IGF2BP2: variants seen among roughly 807,000 people sequenced by gnomAD.
IGF2BP2 encodes the protein insulin like growth factor 2 mRNA binding protein 2, also known as insulin-like growth factor 2 mRNA-binding protein 2.
A neutral mutation model predicts 75.8 loss-of-function variants in IGF2BP2; 17 were observed. The observed-to-expected ratio is 0.22, with a 90% confidence interval of 0.15 to 0.34. The LOEUF is 0.34. IGF2BP2 is among the 10% of genes least tolerant of loss of function. The pLI is 1.00. For synonymous variants in IGF2BP2, 288 were observed against 295.6 expected (o/e 0.97, Z 0.26); for missense variants, 516 against 772.4 (o/e 0.67, Z 3.93).
intron 4 of IGF2BP2, 81 bp from the exon 5 acceptor site, chr3:185,692,843 AG>A: frequency 8.3e-7 from 1 of 1,212,006 alleles, no homozygotes; most frequent in South Asian, 1.3e-5. Flanking sequence ...CAAACTTTAG[AG>A]AAAAATGCAT....
intron 7 of IGF2BP2, among the ~76,000 whole-genome samples, chr3:185,676,732 G>A (rs113005945): frequency 7.7e-6 from 1 of 129,332 alleles, no homozygotes; most frequent in African/African-American, 2.9e-5. Context: ...ATATGGAGAT[G>A]TATATATATA....
intron 2 of IGF2BP2, among the ~76,000 whole-genome samples, chr3:185,782,070 T>C (rs1178262654): frequency 6.6e-6 from 1 of 152,192 alleles, no homozygotes; most frequent in Non-Finnish European, 1.5e-5. Context: ...AAAACATATG[T>C]ACTGGTTCTG....
chr3:185,697,996 C>T (rs1722803539), intron 3 of IGF2BP2, among the ~76,000 whole-genome samples: 1 of 152,054 alleles, frequency 6.6e-6, no homozygotes, highest in South Asian at 2.1e-4. Context: ...ACATACAAAC[C>T]AACAAACCAT....
At chr3:185,673,967 CT>C (rs774747201) in intron 9 of IGF2BP2, among the ~76,000 whole-genome samples, 1 of 152,210 alleles carries the variant, frequency 6.6e-6, no homozygotes, top group Non-Finnish European at 1.5e-5. Context: ...TCAGATGATA[CT>C]TCCACAAATA....
chr3:185,689,916 C>T (rs1482501506), intron 5 of IGF2BP2, among the ~76,000 whole-genome samples: 42 of 149,678 alleles, frequency 2.8e-4, no homozygotes, highest in Non-Finnish European at 5.2e-4. Context: ...TGCAGTGAGC[C>T]GAGATCCTGC....
At chr3:185,802,998 A>G (rs1738488244) in intron 2 of IGF2BP2, among the ~76,000 whole-genome samples, 1 of 152,220 alleles carries the variant, frequency 6.6e-6, no homozygotes, top group Admixed American at 6.5e-5. Context: ...TTAAACTAAA[A>G]TGTATCTCAA....
intron 13 of IGF2BP2, among the ~76,000 whole-genome samples, chr3:185,650,466 C>CAGG: frequency 6.6e-6 from 1 of 152,150 alleles, no homozygotes; most frequent in Admixed American, 6.5e-5. Flanking sequence ...TGTTTGAGGC[C>CAGG]AGGAGTTCAA....
intron 2 of IGF2BP2, among the ~76,000 whole-genome samples, chr3:185,702,392 G>A (rs1184238186): frequency 2.0e-5 from 3 of 152,068 alleles, no homozygotes; most frequent in Non-Finnish European, 4.4e-5. Flanking sequence ...AGTCTCAAAT[G>A]AGAGTATCGA....
At chr3:185,732,105 C>T (rs886917955) in intron 2 of IGF2BP2, among the ~76,000 whole-genome samples, 1 of 152,174 alleles carries the variant, frequency 6.6e-6, no homozygotes, top group African/African-American at 2.4e-5. Context: ...TCCTTCAAAA[C>T]ATATAGTGCC....
intron 4 of IGF2BP2, among the ~76,000 whole-genome samples, chr3:185,693,944 T>C (rs1480928188): frequency 6.6e-6 from 1 of 152,196 alleles, no homozygotes; most frequent in African/African-American, 2.4e-5. Flanking sequence ...TGTAGAAATG[T>C]GAATTTTTCT....
intron 2 of IGF2BP2, among the ~76,000 whole-genome samples, chr3:185,727,705 G>A (rs1191081878): frequency 1.3e-5 from 2 of 152,160 alleles, no homozygotes; most frequent in Non-Finnish European, 2.9e-5. Flanking sequence ...TTATAAATTA[G>A]ATGGAGTGGA....
intron 2 of IGF2BP2, among the ~76,000 whole-genome samples, chr3:185,817,758 C>A (rs1325920414): frequency 1.3e-5 from 2 of 152,128 alleles, no homozygotes; most frequent in Non-Finnish European, 2.9e-5. Context: ...ATTATTTGTT[C>A]AATGATACTG....
At chr3:185,683,512 G>T (rs890323220) in intron 7 of IGF2BP2, among the ~76,000 whole-genome samples, 1 of 151,996 alleles carries the variant, frequency 6.6e-6, no homozygotes, top group Non-Finnish European at 1.5e-5. Flanking sequence ...GGGTTCAAGC[G>T]GTTCTCATGC....
chr3:185,715,921 T>C (rs554959428), intron 2 of IGF2BP2, among the ~76,000 whole-genome samples: 67 of 152,292 alleles, frequency 4.4e-4, no homozygotes, highest in African/African-American at 1.6e-3. Context: ...GCTGGGATTA[T>C]AGCTGTGAGC....
chr3:185,820,229 TACACATACACACACACACACAC>T (rs1209424803), intron 2 of IGF2BP2, among the ~76,000 whole-genome samples: 1,783 of 133,904 alleles, frequency 0.013, 37 homozygotes, highest in African/African-American at 0.044. Context: ...TGTGTATATA[TACACATACACACACACACACAC>T]ACACACACAC....
At chr3:185,677,068 T>TATATATATATATATATAGAG in intron 7 of IGF2BP2, among the ~76,000 whole-genome samples, 27 of 35,854 alleles carry the variant, frequency 7.5e-4, no homozygotes, top group South Asian at 1.1e-3. Context: ...TATATATATA[T>TATATATATATATATATAGAG]AGAGAGAGAG....
intron 2 of IGF2BP2, among the ~76,000 whole-genome samples, chr3:185,706,680 G>A (rs1724067485): frequency 6.6e-6 from 1 of 151,774 alleles, no homozygotes; most frequent in Non-Finnish European, 1.5e-5. Context: ...CTTGTTTACA[G>A]ATTGAAACCA....
intron 5 of IGF2BP2, 113 bp from the exon 6 acceptor site, chr3:185,689,740 G>T (rs1240658502): frequency 2.5e-6 from 3 of 1,190,102 alleles, no homozygotes; most frequent in Non-Finnish European, 3.7e-6. Context: ...AGGCCGAGGC[G>T]GGTGGATCAC....
chr3:185,747,848 A>AATTTTATTTT (rs1297589118), intron 2 of IGF2BP2, among the ~76,000 whole-genome samples: 1 of 151,430 alleles, frequency 6.6e-6, no homozygotes, highest in Non-Finnish European at 1.5e-5. Context: ...ACTCTACTCC[A>AATTTTATTTT]ATTTTATTTT....
Sources: allele counts gnomAD v4.1 joint callset (sites outside exome capture counted in the v4.1 genomes callset), GRCh38; gene constraint gnomAD v4.1.1; transcripts MANE v1.5; gene names NCBI Gene and HGNC (gene_info 2026-07-23, HGNC 2026-07-21).